The following CELF2 variants were observed in gnomAD, a reference collection of about 807,000 sequenced individuals.
CELF2 encodes the protein CUG triplet repeat RNA-binding protein 2.
Under a neutral mutation model 62.6 loss-of-function variants are expected in CELF2, and 8 were observed. The observed-to-expected ratio is 0.13, with a 90% confidence interval of 0.07 to 0.23. The LOEUF (loss-of-function observed/expected upper bound fraction) is 0.23, where lower values mean the gene tolerates loss of function less well. Ranked by LOEUF, CELF2 falls within the 10% of genes least tolerant of loss-of-function variation. The pLI, the probability that CELF2 is intolerant of heterozygous loss-of-function variation, is 1.00. For synonymous variants in CELF2, 258 were observed against 250.0 expected (o/e 1.03, Z -0.30); for missense variants, 333 against 671.0 (o/e 0.50, Z 5.56).
At chr10:10,495,842 C>T in the CELF2 span, among the ~76,000 whole-genome samples, 118 of 152,252 alleles carry the variant, frequency 7.8e-4, 2 homozygotes, top group African/African-American at 2.2e-3. Flanking sequence ...GAGGACTGTA[C>T]GCATTTTCAC....
In CELF2 at chr10:11,297,318, A is replaced by G. The variant is rs1461212666; in HGVS notation, c.976+8766A>G. Among the ~76,000 whole-genome samples the G allele has an allele frequency of 6.6e-6, 1 of 152,138 alleles. No homozygotes were observed. The highest frequency in any genetic ancestry group is 2.4e-5 in the African/African-American group (1 of 41,442). On this transcript the variant is annotated intron_variant, in intron 9 of 12. Transcript: ENST00000633077. This position sits in a 1 kb window ranked among gnomAD's most constrained non-coding sequence, Gnocchi z 4.4. ...ACCAGAGCCGGGAGCTGCAGAGTGG[A>G]TTGAGACTGACCTGCAGAGGCCAGG...
At position 11,170,045 on chromosome 10, in the gene CELF2, A is replaced by G. The variant is rs189912715; in HGVS notation, c.271+4363A>G. ...GAAGGATAGAGGTTGTGGGGAAAGGAAATGCATGGATGTATACATGGTGCT... is the reference window on the plus strand; with the variant it reads ...GAAGGATAGAGGTTGTGGGGAAAGGGAATGCATGGATGTATACATGGTGCT... On this transcript the variant is annotated intron_variant, in intron 2 of 12. Transcript: ENST00000633077. Among the ~76,000 whole-genome samples, 6 of 152,302 alleles carry G rather than the reference A, an allele frequency of 3.9e-5. No individual in the cohort carries two copies. The East Asian group carries it at 9.6e-4, about 24-fold the overall frequency.
Position 11,243,068 on chromosome 10 carries a change from AGACCCCTGAAG to A in CELF2, c.355-6081_355-6071del, listed in dbSNP as rs997516586. Among the ~76,000 whole-genome samples the A allele has an allele frequency of 1.3e-5, 2 of 152,186 alleles. No homozygotes were observed. Among genetic ancestry groups the A allele is most frequent in the African/African-American group, 4.8e-5 (2 of 41,444 alleles). ...GCTCCAGCTCACTGAAAGCCCAAGC[AGACCCCTGAAG>A]GACTATATCTCTGTGTGCCGAGATG... On this transcript the variant is annotated intron_variant, in intron 3 of 12. Coordinates refer to ENST00000633077, the MANE Select transcript of CELF2 (RefSeq NM_001326342.2). This position sits in a 1 kb window ranked among gnomAD's most constrained non-coding sequence, Gnocchi z 4.1.
chr10:10,654,868 G>C, the CELF2 span, among the ~76,000 whole-genome samples: 63 of 150,836 alleles, frequency 4.2e-4, no homozygotes, highest in Non-Finnish European at 4.6e-4. Context: ...GTTCTGGCCA[G>C]GGAAATCGGG....
At position 11,051,594 on chromosome 10, in the gene CELF2, A is replaced by G. The variant is rs181370273; in HGVS notation, c.74+33431A>G. ...TAAGTGCCAGGCACCACAATGTGCT[A>G]AGGTTTCATAACAGATACGGTGACT... On this transcript the variant is annotated intron_variant, in intron 1 of 12. Coordinates refer to ENST00000633077, the MANE Select transcript of CELF2 (RefSeq NM_001326342.2). 1.2e-3 allele frequency among the ~76,000 whole-genome samples: 186 copies of G among 152,328 alleles called. 1 individual carries two copies. The highest frequency in any genetic ancestry group is 4.3e-3 in the African/African-American group (177 of 41,572).
chr10:11,192,605 C>G (rs1054779557), intron 2 of CELF2, among the ~76,000 whole-genome samples: 5 of 152,246 alleles, frequency 3.3e-5, no homozygotes, highest in Non-Finnish European at 5.9e-5. Flanking sequence ...AACAAGCCAG[C>G]CTTGCTATTT....
intron 1 of CELF2, among the ~76,000 whole-genome samples, chr10:11,164,621 A>T (rs1482093692): frequency 1.3e-5 from 2 of 151,606 alleles, no homozygotes; most frequent in African/African-American, 4.8e-5. Context: ...GAGATTTGAA[A>T]TATTCAGTGT....
At chr10:11,218,737 C>G in intron 3 of CELF2, among the ~76,000 whole-genome samples, 1 of 152,254 alleles carries the variant, frequency 6.6e-6, no homozygotes, top group East Asian at 1.9e-4. Flanking sequence ...CTCTCTGAAA[C>G]TGCTAAGGTG....
chr10:10,552,336 G>A, the CELF2 span, among the ~76,000 whole-genome samples: 7 of 152,332 alleles, frequency 4.6e-5, no homozygotes, highest in East Asian at 1.4e-3. Context: ...AGTAAAGACA[G>A]GCAGCGTGTG....
At position 11,315,591 on chromosome 10, in the gene CELF2, G is replaced by C. The variant is rs2094901905; in HGVS notation, c.1096+1333G>C. ...AGGTTTTAGTACATCTTTGTATTTA[G>C]TACATCTTTTGGGGAAAAGCGAAAA... On this transcript the variant is annotated intron_variant, in intron 10 of 12. Transcript: ENST00000633077. The surrounding 1 kb of genome is among the most constrained non-coding windows in gnomAD (Gnocchi z 5.8). 6.6e-6 allele frequency among the ~76,000 whole-genome samples: 1 copy of C among 152,154 alleles called. No individual in the cohort carries two copies. The highest frequency in any genetic ancestry group is 1.5e-5 in the Non-Finnish European group (1 of 68,024).
At chr10:10,914,564 A>G (rs1230146014) in intron 1 of CELF2, among the ~76,000 whole-genome samples, 3 of 152,156 alleles carry the variant, frequency 2.0e-5, no homozygotes, top group Non-Finnish European at 4.4e-5. Context: ...TTTTCCTTCA[A>G]TAAAACTGAA....
chr10:11,185,521 T>C (rs2074631993), intron 2 of CELF2, among the ~76,000 whole-genome samples: 1 of 152,162 alleles, frequency 6.6e-6, no homozygotes, highest in African/African-American at 2.4e-5. Context: ...TTCAAGTGAT[T>C]CTCCTGCCTC....
At chr10:10,549,606 T>C in the CELF2 span, among the ~76,000 whole-genome samples, 1 of 152,166 alleles carries the variant, frequency 6.6e-6, no homozygotes, top group African/African-American at 2.4e-5. Flanking sequence ...TTCTGCAGCC[T>C]CTCTTCTTGG....
At chr10:10,740,948 AC>A in the CELF2 span, among the ~76,000 whole-genome samples, 1 of 152,210 alleles carries the variant, frequency 6.6e-6, no homozygotes, top group African/African-American at 2.4e-5. Flanking sequence ...ATGAACAGAC[AC>A]TGGTCACAAG....
chr10:11,018,478 G>A (rs2057703249), intron 1 of CELF2, among the ~76,000 whole-genome samples: 1 of 151,268 alleles, frequency 6.6e-6, no homozygotes, highest in African/African-American at 2.4e-5. Context: ...CCCGCGGGGT[G>A]AGTGGGGGAC....
In CELF2 at chr10:11,039,180, T is replaced by C. The variant is rs2061424908; in HGVS notation, c.74+21017T>C. On this transcript the variant is annotated intron_variant, in intron 1 of 12. Transcript: ENST00000633077. The surrounding 1 kb of genome is among the most constrained non-coding windows in gnomAD (Gnocchi z 4.1). ...AGGACACTGAGAGCAGAAACCGTGATGCAGTGAGCCTTCTGCCCACAACAC... is the reference window on the plus strand; with the variant it reads ...AGGACACTGAGAGCAGAAACCGTGACGCAGTGAGCCTTCTGCCCACAACAC... 6.6e-6 allele frequency among the ~76,000 whole-genome samples: 1 copy of C among 152,196 alleles called. No individual in the cohort carries two copies. Among genetic ancestry groups the C allele is most frequent in the African/African-American group, 2.4e-5 (1 of 41,448 alleles).
chr10:10,517,153 G>T, the CELF2 span, among the ~76,000 whole-genome samples: 2 of 152,156 alleles, frequency 1.3e-5, no homozygotes, highest in African/African-American at 4.8e-5. Context: ...ATCTCATTTA[G>T]GCCCCTTACA....
At chr10:11,082,512 G>A (rs2074282690) in intron 1 of CELF2, among the ~76,000 whole-genome samples, 1 of 152,164 alleles carries the variant, frequency 6.6e-6, no homozygotes, top group Non-Finnish European at 1.5e-5. Flanking sequence ...CATAAAAATG[G>A]CTCCAGATCC....
intron 4 of CELF2, among the ~76,000 whole-genome samples, chr10:11,251,270 A>ATTTTTTTTTTTTTT (rs66615560): frequency 6.3e-5 from 4 of 63,302 alleles, no homozygotes; most frequent in East Asian, 6.1e-4. Flanking sequence ...ACACAAAGGG[A>ATTTTTTTTTTTTTT]TTTTTTTTTT....
Sources: allele counts gnomAD v4.1 joint callset (sites outside exome capture counted in the v4.1 genomes callset), GRCh38; gene constraint gnomAD v4.1.1; non-coding constraint Gnocchi (gnomAD v3.1); transcripts MANE v1.5; gene names NCBI Gene and HGNC (gene_info 2026-07-23, HGNC 2026-07-21).